The following DENND1A variants were observed in gnomAD, a reference collection of about 807,000 sequenced individuals.
DENND1A encodes the protein DENN domain-containing protein 1A.
A neutral mutation model predicts 113.7 loss-of-function variants in DENND1A; 51 were observed. That is an observed-to-expected ratio of 0.45 (90% CI 0.36 to 0.57). The LOEUF (loss-of-function observed/expected upper bound fraction) is 0.57. DENND1A is among the 20% of genes least tolerant of loss of function. The probability of loss-of-function intolerance (pLI) is 0.00; values close to 1 mark genes in which losing one functional copy is unlikely to be tolerated. For synonymous variants in DENND1A, 565 were observed against 570.8 expected (o/e 0.99, Z 0.14); for missense variants, 1,258 against 1,395.9 (o/e 0.90, Z 1.57).
chr9:123,793,184 C>T (rs1051971652), intron 2 of DENND1A, among the ~76,000 whole-genome samples: 6 of 152,186 alleles, frequency 3.9e-5, no homozygotes, highest in African/African-American at 1.2e-4. Flanking sequence ...AGAGGACCAA[C>T]GCTTTTGGCT....
intron 19 of DENND1A, among the ~76,000 whole-genome samples, chr9:123,436,070 A>T (rs1457308331): frequency 6.6e-6 from 1 of 152,188 alleles, no homozygotes; most frequent in Non-Finnish European, 1.5e-5. Flanking sequence ...CGGGGAGGAC[A>T]CCACTCACTC....
chr9:123,691,100 G>C (rs10818855), intron 5 of DENND1A, among the ~76,000 whole-genome samples: 11,289 of 152,192 alleles, frequency 0.074, 546 homozygotes, highest in African/African-American at 0.13. Context: ...GGAATAAATG[G>C]GGGGGTCAGA....
chr9:123,473,868 G>A (rs1296885042), intron 13 of DENND1A, among the ~76,000 whole-genome samples: 1 of 152,138 alleles, frequency 6.6e-6, no homozygotes, highest in Non-Finnish European at 1.5e-5. Context: ...CCAGTATGGG[G>A]AGGACGCAGG....
At chr9:123,774,575 A>G (rs1830198510) in intron 3 of DENND1A, among the ~76,000 whole-genome samples, 1 of 152,156 alleles carries the variant, frequency 6.6e-6, no homozygotes, top group Non-Finnish European at 1.5e-5. Flanking sequence ...TGGGAAAAAG[A>G]AGCCTGGAAT....
At chr9:123,529,436 A>G (rs980545166) in intron 13 of DENND1A, among the ~76,000 whole-genome samples, 3 of 152,198 alleles carry the variant, frequency 2.0e-5, no homozygotes, top group Non-Finnish European at 2.9e-5. Flanking sequence ...TAAACATTTC[A>G]TCACTTCCCT....
chr9:123,910,830 C>T, intron 1 of DENND1A, among the ~76,000 whole-genome samples: 1 of 152,194 alleles, frequency 6.6e-6, no homozygotes, highest in East Asian at 1.9e-4. Context: ...ATCCCAGCTA[C>T]TCAGTAGGAG....
At chr9:123,472,914 C>T (rs1415646291) in intron 13 of DENND1A, among the ~76,000 whole-genome samples, 1 of 152,166 alleles carries the variant, frequency 6.6e-6, no homozygotes, top group African/African-American at 2.4e-5. Flanking sequence ...GCCCTTCACC[C>T]TTGGAGGATT....
At chr9:123,594,544 T>C (rs1358769802) in intron 11 of DENND1A, among the ~76,000 whole-genome samples, 13 of 148,364 alleles carry the variant, frequency 8.8e-5, no homozygotes, top group Admixed American at 8.7e-4. Context: ...GCAACTAATA[T>C]AACGGACCTT....
intron 13 of DENND1A, among the ~76,000 whole-genome samples, chr9:123,512,393 G>A (rs953192984): frequency 6.6e-6 from 1 of 152,232 alleles, no homozygotes; most frequent in Admixed American, 6.5e-5. Context: ...GAATGGGCTG[G>A]CACTCGGCTC....
At chr9:123,762,520 G>A (rs1050462671) in intron 4 of DENND1A, among the ~76,000 whole-genome samples, 1 of 152,196 alleles carries the variant, frequency 6.6e-6, no homozygotes, top group Non-Finnish European at 1.5e-5. Flanking sequence ...GTCTCCCAGT[G>A]AGAAACAAAC....
In DENND1A at chr9:123,764,265, T is replaced by A. The variant is rs2071279916; in HGVS notation, c.182+5249A>T. ...AATGATCATCACTACTGTTATGCAATTATAAAATTCAAGAGATAGAACTGA... is the reference window on the plus strand; with the variant it reads ...AATGATCATCACTACTGTTATGCAAATATAAAATTCAAGAGATAGAACTGA... On this transcript the variant is annotated intron_variant, in intron 4 of 23. Coordinates refer to ENST00000394215, the MANE Select transcript of DENND1A (RefSeq NM_001352964.2). The surrounding 1 kb of genome is among the most constrained non-coding windows in gnomAD (Gnocchi z 4.1). 6.6e-6 allele frequency among the ~76,000 whole-genome samples: 1 copy of A among 152,186 alleles called. No homozygotes were observed.
At chr9:123,481,399 G>A (rs2050324548) in intron 13 of DENND1A, among the ~76,000 whole-genome samples, 1 of 152,224 alleles carries the variant, frequency 6.6e-6, no homozygotes, top group Non-Finnish European at 1.5e-5. Context: ...AACAGTGAGG[G>A]AAGCCCAGGC....
intron 2 of DENND1A, among the ~76,000 whole-genome samples, chr9:123,808,599 C>T (rs1836002328): frequency 6.6e-6 from 1 of 152,066 alleles, no homozygotes; most frequent in Non-Finnish European, 1.5e-5. Flanking sequence ...CCAGGCTGGT[C>T]TCAAACACCT....
chr9:123,413,299 TAA>T lies in DENND1A; in HGVS notation c.1489-1472_1489-1471del, dbSNP rs982710493. 6 of 540,594 alleles carry T rather than the reference TAA, an allele frequency of 1.1e-5. No homozygotes were observed. The African/African-American group carries it at 1.2e-4, about 11-fold the overall frequency. 33.5% of individuals were successfully genotyped at this position (540,594 alleles called of 1,614,324 possible). On this transcript the variant is annotated intron_variant, in intron 19 of 23. Transcript: ENST00000394215. ...TTTTTAGATTGATTACATGTTGAAA[TAA>T]TATTTTGGATATATTGGGTTCATTA...
At chr9:123,842,741 A>C (rs1416277146) in intron 2 of DENND1A, among the ~76,000 whole-genome samples, 1 of 152,228 alleles carries the variant, frequency 6.6e-6, no homozygotes, top group Non-Finnish European at 1.5e-5. Context: ...AAAAACTAAA[A>C]TATGAAGAAA....
At chr9:123,824,095 A>C (rs1313891064) in intron 2 of DENND1A, among the ~76,000 whole-genome samples, 1 of 152,218 alleles carries the variant, frequency 6.6e-6, no homozygotes, top group East Asian at 1.9e-4. Flanking sequence ...AGAATTATCA[A>C]GGTGATAATT....
chr9:123,509,329 T>TG (rs1389444439), intron 13 of DENND1A, among the ~76,000 whole-genome samples: 1 of 152,188 alleles, frequency 6.6e-6, no homozygotes, highest in Non-Finnish European at 1.5e-5. Context: ...GGACAGTACA[T>TG]GGAGTTGGAG....
chr9:123,662,891 T>C (rs1049875689), intron 8 of DENND1A, among the ~76,000 whole-genome samples: 1 of 151,836 alleles, frequency 6.6e-6, no homozygotes, highest in African/African-American at 2.4e-5. Flanking sequence ...GGGTGGGGAG[T>C]GTTATAGGTG....
At chr9:123,823,092 G>A (rs1024797858) in intron 2 of DENND1A, among the ~76,000 whole-genome samples, 1 of 152,132 alleles carries the variant, frequency 6.6e-6, no homozygotes, top group Admixed American at 6.5e-5. Context: ...CAGGTACTGT[G>A]CTAAACTCGG....
Sources: gnomAD v4.1 joint callset for allele counts (sites outside exome capture counted in the v4.1 genomes callset) on GRCh38, gnomAD v4.1.1 for gene constraint, Gnocchi (gnomAD v3.1) non-coding constraint, MANE v1.5 for transcripts, NCBI Gene and HGNC (gene_info 2026-07-23, HGNC 2026-07-21) for gene names.